Variants in ANKHD1 observed in about 807,000 individuals in gnomAD.
ANKHD1 encodes ankyrin repeat and KH domain containing 1.
In ANKHD1, 31 loss-of-function variants were observed where a neutral mutation model predicts 230.5. That is an observed-to-expected ratio of 0.13 (90% CI 0.10 to 0.18). ANKHD1 has a LOEUF of 0.18. ANKHD1 is among the 10% of genes least tolerant of loss of function. ANKHD1 has a pLI of 1.00. For synonymous variants in ANKHD1, 1,074 were observed against 1,117.6 expected (o/e 0.96, Z 0.78); for missense variants, 2,256 against 3,071.3 (o/e 0.73, Z 6.27).
At chr5:140,412,178 A>G (rs961827143) in intron 1 of ANKHD1, among the ~76,000 whole-genome samples, 1 of 152,010 alleles carries the variant, frequency 6.6e-6, no homozygotes, top group African/African-American at 2.4e-5. Context: ...CTAGGATTAC[A>G]GGTGCGTGCC....
chr5:140,480,246 ATAGG>A (rs1304297766), intron 10 of ANKHD1, among the ~76,000 whole-genome samples: 1 of 152,082 alleles, frequency 6.6e-6, no homozygotes, highest in East Asian at 1.9e-4. Context: ...GGAAAATAAA[ATAGG>A]TAGCTTTTCA....
chr5:140,505,897 A>G, intron 18 of ANKHD1, 28 bp downstream of exon 18: 1 of 1,546,548 alleles, frequency 6.5e-7, no homozygotes, highest in Non-Finnish European at 8.7e-7. Flanking sequence ...TTCATTTTGT[A>G]AATATTTTGC....
chr5:140,407,366 G>A (rs529718780), intron 1 of ANKHD1, among the ~76,000 whole-genome samples: 56 of 151,302 alleles, frequency 3.7e-4, no homozygotes, highest in South Asian at 8.3e-4. Flanking sequence ...TTTGAGATTA[G>A]GATTACAGGT....
intron 1 of ANKHD1, among the ~76,000 whole-genome samples, chr5:140,425,248 T>G (rs891524467): frequency 1.3e-5 from 2 of 152,132 alleles, no homozygotes; most frequent in East Asian, 3.9e-4. Context: ...ACCCAAGATA[T>G]GATTTCTGTT....
intron 1 of ANKHD1, among the ~76,000 whole-genome samples, chr5:140,405,699 C>A (rs1488644058): frequency 6.6e-6 from 1 of 152,150 alleles, no homozygotes; most frequent in Non-Finnish European, 1.5e-5. Context: ...GTGGCACGAT[C>A]TTGGCTCACT....
intron 1 of ANKHD1, among the ~76,000 whole-genome samples, chr5:140,405,881 C>T (rs891809653): frequency 1.3e-5 from 2 of 152,106 alleles, no homozygotes; most frequent in Non-Finnish European, 2.9e-5. Flanking sequence ...GATTCTCCCA[C>T]CTTGGTCTCC....
chr5:140,485,571 A>T lies in ANKHD1; in HGVS notation c.1999-18A>T. 5 of 1,611,430 alleles carry T rather than the reference A, an allele frequency of 3.1e-6. No homozygotes were observed. The South Asian group carries it at 5.5e-5, about 18-fold the overall frequency. ...AAGAAACTATAAAGAATTAATTATC[A>T]TGGCAATTCTTTTTCAGGATGGTTC... On this transcript the variant is annotated intron_variant, in intron 12 of 33. Transcript: ENST00000360839. The surrounding 1 kb of genome is among the most constrained non-coding windows in gnomAD (Gnocchi z 4.8).
intron 24 of ANKHD1, among the ~76,000 whole-genome samples, chr5:140,521,310 T>A (rs1044648442): frequency 6.6e-6 from 1 of 152,110 alleles, no homozygotes; most frequent in Non-Finnish European, 1.5e-5. Context: ...TAATAAAAAA[T>A]GATCATGTGA....
At chr5:140,455,216 T>C (rs1456432544) in intron 7 of ANKHD1, among the ~76,000 whole-genome samples, 1 of 152,170 alleles carries the variant, frequency 6.6e-6, no homozygotes, top group Non-Finnish European at 1.5e-5. Flanking sequence ...ATTGAGGCAA[T>C]AATTAATAGC....
chr5:140,530,434 A>G (rs1278208631), intron 29 of ANKHD1, among the ~76,000 whole-genome samples: 2 of 152,120 alleles, frequency 1.3e-5, no homozygotes, highest in Non-Finnish European at 2.9e-5. Context: ...GCTGGTCTCG[A>G]ACTCCTGTGC....
chr5:140,531,606 G>A (rs182573507), intron 29 of ANKHD1, among the ~76,000 whole-genome samples: 11 of 152,084 alleles, frequency 7.2e-5, no homozygotes, highest in African/African-American at 2.4e-4. Flanking sequence ...TAATACTTAA[G>A]AAGATGGGAA....
chr5:140,433,503 CAA>C (rs1430181842), intron 1 of ANKHD1, among the ~76,000 whole-genome samples: 1 of 152,220 alleles, frequency 6.6e-6, no homozygotes, highest in Non-Finnish European at 1.5e-5. Context: ...GCTTCTTGTG[CAA>C]AGTCTTCACG....
At chr5:140,465,532 C>T (rs1776022910) in intron 10 of ANKHD1, among the ~76,000 whole-genome samples, 1 of 152,138 alleles carries the variant, frequency 6.6e-6, no homozygotes, top group African/African-American at 2.4e-5. Context: ...TTCTCTGATA[C>T]ATTTCTTAAA....
At chr5:140,426,383 C>T (rs1203875589) in intron 1 of ANKHD1, among the ~76,000 whole-genome samples, 1 of 152,188 alleles carries the variant, frequency 6.6e-6, no homozygotes, top group African/African-American at 2.4e-5. Context: ...CCTGCCTCAG[C>T]CTTCCAAAGT....
At chr5:140,533,948 AT>A (rs1485144816) in intron 29 of ANKHD1, among the ~76,000 whole-genome samples, 1 of 151,830 alleles carries the variant, frequency 6.6e-6, no homozygotes, top group Non-Finnish European at 1.5e-5. Context: ...AGAAAATTTA[AT>A]TTTTTTTGTC....
At chr5:140,498,874 T>C (rs1752154646) in intron 15 of ANKHD1, among the ~76,000 whole-genome samples, 1 of 151,336 alleles carries the variant, frequency 6.6e-6, no homozygotes, top group Admixed American at 6.6e-5. Context: ...TTTTAAAGAA[T>C]GTAGAAATAG....
chr5:140,442,444 G>A (rs1172929593), intron 5 of ANKHD1, among the ~76,000 whole-genome samples: 1 of 151,968 alleles, frequency 6.6e-6, no homozygotes, highest in Admixed American at 6.6e-5. Context: ...GGATGTTTTC[G>A]GGATGAAACT....
chr5:140,521,651 C>G (rs1048025284), intron 24 of ANKHD1, among the ~76,000 whole-genome samples: 1 of 151,964 alleles, frequency 6.6e-6, no homozygotes, highest in Non-Finnish European at 1.5e-5. Context: ...TAGTGAAATT[C>G]ACTCCACAAA....
chr5:140,511,649 C>A (rs1752774518), intron 22 of ANKHD1, among the ~76,000 whole-genome samples: 1 of 152,212 alleles, frequency 6.6e-6, no homozygotes, highest in Non-Finnish European at 1.5e-5. Flanking sequence ...CCATCTTTTT[C>A]AGCACTGTTT....
Sources: allele counts gnomAD v4.1 joint callset (sites outside exome capture counted in the v4.1 genomes callset), GRCh38; gene constraint gnomAD v4.1.1; non-coding constraint Gnocchi (gnomAD v3.1); transcripts MANE v1.5; gene names NCBI Gene and HGNC (gene_info 2026-07-23, HGNC 2026-07-21).